The following TIAM1 variants were observed in gnomAD, a reference collection of about 807,000 sequenced individuals.
TIAM1 encodes TIAM Rac1 associated GEF 1, also known as rho guanine nucleotide exchange factor TIAM1.
A neutral mutation model predicts 163.5 loss-of-function variants in TIAM1; 65 were observed. That is an observed-to-expected ratio of 0.40 (90% CI 0.33 to 0.49). TIAM1 has a LOEUF of 0.49. Among genes scored for constraint, TIAM1 ranks in the 20% least tolerant of loss-of-function variants. TIAM1 has a pLI of 0.77. For missense variants in TIAM1, 1,789 were observed against 2,044.7 expected (o/e 0.87, Z 2.41); for synonymous variants, 833 against 810.1 (o/e 1.03, Z -0.48).
At chr21:31,282,707 G>A (rs370225469) in intron 2 of TIAM1, among the ~76,000 whole-genome samples, 4 of 152,148 alleles carry the variant, frequency 2.6e-5, no homozygotes, top group African/African-American at 4.8e-5. Context: ...CAATCCCTCC[G>A]AACAGATGAA....
At chr21:31,471,334 C>G (rs1025658012) in intron 1 of TIAM1, among the ~76,000 whole-genome samples, 8 of 152,170 alleles carry the variant, frequency 5.3e-5, no homozygotes, top group African/African-American at 7.2e-5. Context: ...TCGGTTCCCC[C>G]CTTTACCACA....
At chr21:31,418,937 C>T (rs1181550100) in intron 2 of TIAM1, among the ~76,000 whole-genome samples, 3 of 152,118 alleles carry the variant, frequency 2.0e-5, no homozygotes, top group Non-Finnish European at 2.9e-5. Context: ...GAAGCCCAGC[C>T]CCCACCGAGC....
chr21:31,539,253 AG>A (rs1223695543), intron 1 of TIAM1, among the ~76,000 whole-genome samples: 1 of 147,664 alleles, frequency 6.8e-6, no homozygotes, highest in Non-Finnish European at 1.5e-5. Flanking sequence ...ACAGGGGAAG[AG>A]AGGGAATGGG....
At chr21:31,502,601 G>A (rs62222866) in intron 1 of TIAM1, among the ~76,000 whole-genome samples, 31,061 of 152,160 alleles carry the variant, frequency 0.2, 3,331 homozygotes, top group Middle Eastern at 0.28. Flanking sequence ...AGGAGATCAC[G>A]AAGCCTAGAT....
chr21:31,303,974 T>C (rs1401650358), intron 2 of TIAM1, among the ~76,000 whole-genome samples: 4 of 151,874 alleles, frequency 2.6e-5, no homozygotes, highest in African/African-American at 9.7e-5. Flanking sequence ...TGAGACGCCA[T>C]CTCAAAAAAA....
intron 2 of TIAM1, among the ~76,000 whole-genome samples, chr21:31,449,097 T>G (rs911190782): frequency 3.3e-5 from 5 of 152,102 alleles, no homozygotes; most frequent in Middle Eastern, 6.8e-3. Context: ...CCCGAGTAGC[T>G]GGGACTACAG....
chr21:31,375,127 G>A (rs2076661963), intron 2 of TIAM1, among the ~76,000 whole-genome samples: 1 of 152,058 alleles, frequency 6.6e-6, no homozygotes, highest in South Asian at 2.1e-4. Flanking sequence ...TCTTAATTTT[G>A]GCTCTTTATT....
chr21:31,189,461 GT>G (rs1014367102), intron 13 of TIAM1, among the ~76,000 whole-genome samples: 8 of 152,102 alleles, frequency 5.3e-5, no homozygotes, highest in African/African-American at 1.9e-4. Flanking sequence ...AGACAACTGG[GT>G]AAAAAGACTA....
At chr21:31,441,812 G>A (rs2044426589) in intron 2 of TIAM1, among the ~76,000 whole-genome samples, 2 of 150,950 alleles carry the variant, frequency 1.3e-5, no homozygotes, top group Non-Finnish European at 2.9e-5. Context: ...ACTTTGGGAG[G>A]CCAAGGTGGG....
At chr21:31,382,622 C>T (rs16988188) in intron 2 of TIAM1, among the ~76,000 whole-genome samples, 22,690 of 152,196 alleles carry the variant, frequency 0.15, 1,830 homozygotes, top group Middle Eastern at 0.35. Flanking sequence ...ATGTAGCACA[C>T]TGAATGAGAG....
At chr21:31,133,324 T>A (rs187601359) in intron 23 of TIAM1, among the ~76,000 whole-genome samples, 2 of 152,310 alleles carry the variant, frequency 1.3e-5, no homozygotes, top group East Asian at 3.9e-4. Context: ...AAACACGTCT[T>A]GTACCTCAGA....
intron 2 of TIAM1, among the ~76,000 whole-genome samples, chr21:31,409,259 G>A (rs1208883100): frequency 1.3e-5 from 2 of 152,024 alleles, no homozygotes; most frequent in Non-Finnish European, 2.9e-5. Context: ...ACAGGCATCC[G>A]CCACCACACC....
At chr21:31,343,825 G>A (rs529329381) in intron 1 of TIAM1, among the ~76,000 whole-genome samples, 3 of 152,272 alleles carry the variant, frequency 2.0e-5, no homozygotes, top group Admixed American at 6.5e-5. Context: ...AATGATCCTC[G>A]CTTACAGAAG....
intron 6 of TIAM1, among the ~76,000 whole-genome samples, chr21:31,226,960 T>G (rs1052769124): frequency 4.7e-5 from 7 of 148,046 alleles, no homozygotes; most frequent in Admixed American, 1.3e-4. Context: ...GTGTTTTTTT[T>G]TTTTTTTTTT....
rs2071455061 is a variant in TIAM1, at chr21:31,245,530, G to A, written c.1542C>T (p.Val514=). ...AVPEHPKKDF[V]FCLSNSLGDA... The stretch of plus-strand genomic sequence containing the variant: ...CACCCAGGGAATTGCTGAGGCAGAA[G>A]ACAAAGTCCTTCTTGGGGTGCTCAG... Residue 514 remains valine, a synonymous_variant, in exon 6 of 28, where the codon GTC becomes GTT. Transcript: ENST00000541036. 1 of 1,573,098 alleles carries A rather than the reference G, an allele frequency of 6.4e-7. No homozygotes were observed. Among genetic ancestry groups the A allele is most frequent in the Non-Finnish European group, 8.6e-7 (1 of 1,159,766 alleles).
At chr21:31,145,465 C>T (rs181985399) in intron 20 of TIAM1, among the ~76,000 whole-genome samples, 1 of 152,304 alleles carries the variant, frequency 6.6e-6, no homozygotes, top group Non-Finnish European at 1.5e-5. Context: ...TCTTTAAAAT[C>T]AAACTTTCTG....
chr21:31,537,442 C>CAA (rs10578615), intron 1 of TIAM1, among the ~76,000 whole-genome samples: 8 of 132,546 alleles, frequency 6.0e-5, no homozygotes, highest in African/African-American at 2.0e-4. Context: ...CAAGAAATCG[C>CAA]AAAAAAAAAA....
intron 2 of TIAM1, among the ~76,000 whole-genome samples, chr21:31,423,088 AT>A (rs2043637656): frequency 2.5e-5 from 3 of 118,926 alleles, no homozygotes; most frequent in African/African-American, 9.6e-5. Context: ...GAACAGCACT[AT>A]CTTTTTTTTT....
intron 1 of TIAM1, among the ~76,000 whole-genome samples, chr21:31,491,156 G>A (rs556062395): frequency 1.3e-5 from 2 of 151,812 alleles, no homozygotes; most frequent in Admixed American, 6.6e-5. Flanking sequence ...AAGAAAGGAA[G>A]GGAAGGAAGG....
Sources: gnomAD v4.1 joint callset for allele counts (sites outside exome capture counted in the v4.1 genomes callset) on GRCh38, gnomAD v4.1.1 for gene constraint, MANE v1.5 for transcripts, NCBI Gene and HGNC (gene_info 2026-07-23, HGNC 2026-07-21) for gene names.